Variants in SHTN1 observed in about 807,000 individuals in gnomAD.
SHTN1 encodes the protein shootin-1.
A neutral mutation model predicts 83.1 loss-of-function variants in SHTN1; 42 were observed. That is an observed-to-expected ratio of 0.51 (90% CI 0.39 to 0.65). SHTN1 has a LOEUF of 0.65. Ranked by LOEUF, SHTN1 falls within the 30% of genes least tolerant of loss-of-function variation. The pLI is 0.00. For missense variants in SHTN1, 622 were observed against 737.8 expected (o/e 0.84, Z 1.82); for synonymous variants, 224 against 247.7 (o/e 0.90, Z 0.90).
At chr10:117,061,291 C>T (rs1001057505) in intron 1 of SHTN1, among the ~76,000 whole-genome samples, 2 of 146,532 alleles carry the variant, frequency 1.4e-5, no homozygotes, top group Non-Finnish European at 3.0e-5. Flanking sequence ...GGATTACACG[C>T]GTTCAAGCGA....
chr10:117,058,943 A>G (rs1852863203), intron 1 of SHTN1, among the ~76,000 whole-genome samples: 1 of 152,198 alleles, frequency 6.6e-6, no homozygotes, highest in Non-Finnish European at 1.5e-5. Flanking sequence ...TCATATTCAT[A>G]AAGACAAAGT....
At position 116,901,002 on chromosome 10, in the gene SHTN1, T is replaced by C. The variant is rs1244431751; in HGVS notation, c.1673+763A>G. The C allele has an allele frequency of 6.1e-6, 6 of 985,358 alleles. No individual in the cohort carries two copies. In the East Asian group the frequency reaches 5.7e-4, roughly 93 times the overall value. 61.0% of individuals were successfully genotyped at this position (985,358 alleles called of 1,614,324 possible). On this transcript the variant is annotated intron_variant, in intron 16 of 16. Coordinates refer to ENST00000355371, the MANE Select transcript of SHTN1 (RefSeq NM_001127211.3). ...GACAGCTAGAGTTACAAAAAAGGGG[T>C]TCTTTCTCTCTTGATAGGACAGGAA...
chr10:116,912,139 G>A (rs962842120), intron 13 of SHTN1, among the ~76,000 whole-genome samples: 2 of 152,170 alleles, frequency 1.3e-5, no homozygotes, highest in Non-Finnish European at 2.9e-5. Context: ...AGAAGATTTG[G>A]TAGACATCGG....
intron 14 of SHTN1, among the ~76,000 whole-genome samples, chr10:116,907,258 C>T (rs1205222199): frequency 6.6e-6 from 1 of 152,156 alleles, no homozygotes; most frequent in Non-Finnish European, 1.5e-5. Context: ...GCACATAATG[C>T]TCTCCAGGGG....
At chr10:116,896,705 C>T (rs1847533435) in intron 16 of SHTN1, among the ~76,000 whole-genome samples, 1 of 152,120 alleles carries the variant, frequency 6.6e-6, no homozygotes, top group Non-Finnish European at 1.5e-5. Flanking sequence ...AGCAGAGCGG[C>T]TCCGAAGCAG....
Position 116,911,370 on chromosome 10 carries a change from T to C in SHTN1, c.1359+420A>G. 3 of 1,248,770 alleles carry C rather than the reference T, an allele frequency of 2.4e-6. No homozygotes were observed. In the South Asian group the frequency reaches 4.8e-5, roughly 20 times the overall value. The allele number at this position is 1,248,770 out of a possible 1,614,324, so 77.4% of individuals were successfully genotyped here. On this transcript the variant is annotated intron_variant, in intron 14 of 16. Transcript: ENST00000355371. ...GAGGAAAGGCAGACTGTGACCCTGA[T>C]ATGAAGCTATTTGGGGAGGAATTTA...
intron 1 of SHTN1, among the ~76,000 whole-genome samples, chr10:117,099,610 C>A (rs1360129862): frequency 6.6e-6 from 1 of 151,860 alleles, no homozygotes; most frequent in African/African-American, 2.4e-5. Context: ...GCTGCCTTCC[C>A]AAATTAATTA....
chr10:117,107,085 T>C (rs1006136795), intron 1 of SHTN1, among the ~76,000 whole-genome samples: 3 of 152,212 alleles, frequency 2.0e-5, no homozygotes, highest in Admixed American at 1.3e-4. Context: ...CTTTGACTTA[T>C]CTCTAACTAT....
chr10:117,075,194 T>C (rs766765914), intron 1 of SHTN1, among the ~76,000 whole-genome samples: 1 of 152,180 alleles, frequency 6.6e-6, no homozygotes, highest in African/African-American at 2.4e-5. Flanking sequence ...TGCTTTGCTT[T>C]ATTGTAGTTA....
chr10:117,108,622 G>C (rs1260810414), intron 1 of SHTN1, among the ~76,000 whole-genome samples: 1 of 150,860 alleles, frequency 6.6e-6, no homozygotes, highest in African/African-American at 2.4e-5. Context: ...GGAGTTAATG[G>C]GTGCAGCACA....
At position 117,017,308 on chromosome 10, in the gene SHTN1, G is replaced by A. The variant is rs569697823; in HGVS notation, c.-123+31137C>T. 1.1e-4 allele frequency among the ~76,000 whole-genome samples: 16 copies of A among 152,048 alleles called. No individual in the cohort carries two copies. In the East Asian group the frequency reaches 1.9e-3, roughly 18 times the overall value. On this transcript the variant is annotated intron_variant, in intron 2 of 17. Coordinates refer to the SHTN1 transcript ENST00000392901. ...AGATCGAGACCATCCTGGCTAACAC[G>A]GTGAAACCCCATCTCTACTAAAAAT...
intron 4 of SHTN1, among the ~76,000 whole-genome samples, chr10:116,954,651 G>A (rs1286822011): frequency 6.6e-6 from 1 of 151,920 alleles, no homozygotes; most frequent in Non-Finnish European, 1.5e-5. Context: ...GATTTCAATG[G>A]GAGTGCCATG....
At chr10:117,005,578 G>A (rs918941863), upstream of SHTN1, 1 of 995,690 alleles carries the variant, frequency 1.0e-6, no homozygotes, top group Non-Finnish European at 1.2e-6. Flanking sequence ...GGGACGCAAT[G>A]AGCCATGAAC....
chr10:117,076,726 C>T (rs879731829), intron 1 of SHTN1, among the ~76,000 whole-genome samples: 1 of 152,180 alleles, frequency 6.6e-6, no homozygotes, highest in Non-Finnish European at 1.5e-5. Context: ...AACTTTGATT[C>T]ACAAAACCTG....
At chr10:117,017,271 C>CA in intron 2 of SHTN1, among the ~76,000 whole-genome samples, 1 of 152,178 alleles carries the variant, frequency 6.6e-6, no homozygotes, top group Non-Finnish European at 1.5e-5. Flanking sequence ...GAGGGCGGAT[C>CA]ACGAGGTCAG....
At chr10:117,060,863 G>A (rs961325726) in intron 1 of SHTN1, among the ~76,000 whole-genome samples, 3 of 152,146 alleles carry the variant, frequency 2.0e-5, no homozygotes, top group Non-Finnish European at 2.9e-5. Context: ...GAAATCTTAG[G>A]AAGAGTAGCA....
chr10:117,117,968 G>A (rs1366975851), intron 1 of SHTN1, among the ~76,000 whole-genome samples: 1 of 152,182 alleles, frequency 6.6e-6, no homozygotes, highest in Non-Finnish European at 1.5e-5. Flanking sequence ...AAATGCTCCA[G>A]GGCATTGGCC....
chr10:117,014,259 G>A (rs1852148685), intron 2 of SHTN1, among the ~76,000 whole-genome samples: 1 of 152,034 alleles, frequency 6.6e-6, no homozygotes, highest in Admixed American at 6.6e-5. Context: ...AATCCAAAGA[G>A]GTATACATCC....
At chr10:116,928,036 C>A (rs559045820) in intron 10 of SHTN1, 145 bp from the exon 11 acceptor site, 3 of 842,782 alleles carry the variant, frequency 3.6e-6, no homozygotes, top group Non-Finnish European at 5.5e-6. Flanking sequence ...AAATTACAGA[C>A]CTTTTTAAAC....
Sources: allele counts gnomAD v4.1 joint callset (sites outside exome capture counted in the v4.1 genomes callset), GRCh38; gene constraint gnomAD v4.1.1; transcripts MANE v1.5; gene names NCBI Gene and HGNC (gene_info 2026-07-23, HGNC 2026-07-21).